MYO1F: variants seen among roughly 807,000 people sequenced by gnomAD.
MYO1F encodes unconventional myosin-If.
MYO1F carries 60 observed loss-of-function variants against 146.6 expected under a neutral mutation model. The ratio of observed to expected loss-of-function variants is 0.41; its 90% CI spans 0.33 to 0.51. MYO1F has a LOEUF of 0.51. MYO1F is among the 20% of genes least tolerant of loss of function. The pLI is 0.25. For missense variants in MYO1F, 1,274 were observed against 1,534.3 expected (o/e 0.83, Z 2.83); for synonymous variants, 602 against 602.1 (o/e 1.00, Z 0.00).
chr19:8,541,823 G>T, intron 15 of MYO1F, 83 bp downstream of exon 15: 1 of 1,267,734 alleles, frequency 7.9e-7, no homozygotes, highest in South Asian at 1.2e-5. Context: ...TGGCAGTTCT[G>T]GGTAAGATGG....
At chr19:8,524,118 C>CAAAAAAA (rs746455069) in intron 25 of MYO1F, among the ~76,000 whole-genome samples, 1 of 46,004 alleles carries the variant, frequency 2.2e-5, no homozygotes, top group Non-Finnish European at 3.6e-5. Flanking sequence ...GACACCGTCT[C>CAAAAAAA]AAAAAAAAAA....
intron 15 of MYO1F, 31 bp from the exon 16 acceptor site, chr19:8,540,059 A>C (rs767989345): frequency 2.5e-6 from 4 of 1,580,554 alleles, no homozygotes; most frequent in Non-Finnish European, 8.7e-7. Context: ...GAGGAGTTGG[A>C]GGTATGGCTA....
rs199971487 is a variant in MYO1F at position 8,522,691 on chromosome 19, C to T, written c.2993G>A (p.Arg998His). 143 of 1,613,932 alleles carry T rather than the reference C, an allele frequency of 8.9e-5. No individual in the cohort carries two copies. The African/African-American group carries it at 1.5e-3, about 17-fold the overall frequency. ...TTCTGTGTTGTGCTCTGAGGGCGGA[C>T]GTGCCCGGGGTCGTCTGCTGGCTCC... is the stretch of plus-strand genomic sequence containing the variant. ...SLGASRRPRA[R>H]PPSEHNTEFL... The change falls in exon 26 of 28, where the codon CGT becomes CAT. Residue 998 changes from arginine to histidine, a missense_variant. Around this residue, in one of 2 missense-constraint regions of MYO1F, gnomAD observed 374 missense variants for 379.2 expected, o/e 0.99. Coordinates refer to ENST00000644032, the MANE Select transcript of MYO1F (RefSeq NM_012335.4).
chr19:8,554,465 C>G lies in MYO1F; in HGVS notation c.326+12G>C, dbSNP rs548544617. 2 of 1,598,606 alleles carry G rather than the reference C, an allele frequency of 1.3e-6. No individual in the cohort carries two copies. The highest frequency in any genetic ancestry group is 1.1e-5 in the South Asian group (1 of 90,736). ...GGCAGCAGGGTCTGTGGCCCCCCAACTCTGTCCATACCTAATGATGACACA... is the reference window on the plus strand; with the variant it reads ...GGCAGCAGGGTCTGTGGCCCCCCAAGTCTGTCCATACCTAATGATGACACA... On this transcript the variant is annotated intron_variant, in intron 4 of 27. Transcript: ENST00000644032.
At chr19:8,566,734 G>A (rs1369930036) in intron 1 of MYO1F, among the ~76,000 whole-genome samples, 3 of 147,870 alleles carry the variant, frequency 2.0e-5, no homozygotes, top group Non-Finnish European at 4.5e-5. Flanking sequence ...AGCTGGTTTC[G>A]AACTCCTGAC....
chr19:8,547,128 A>G (rs1973392653), intron 12 of MYO1F, among the ~76,000 whole-genome samples: 1 of 151,620 alleles, frequency 6.6e-6, no homozygotes, highest in African/African-American at 2.4e-5. Flanking sequence ...TGAAACACCA[A>G]CTCTACAAAA....
At chr19:8,541,623 TTTGCCATG>T (rs1471867862) in intron 15 of MYO1F, 1 of 435,040 alleles carries the variant, frequency 2.3e-6, no homozygotes, top group East Asian at 4.7e-5. Flanking sequence ...GAGACAAGGT[TTTGCCATG>T]TTGCCCAGGC....
In MYO1F at chr19:8,539,940, G is replaced by C. The variant is rs374274277; in HGVS notation, c.1692+7C>G. ...GCCCAGCTCCCCGTTGTACACCCCA[G>C]GCCCACCTTGATCTTGGAGCCGGCG... On this transcript the variant is annotated splice_region_variant and intron_variant, in intron 16 of 27. Transcript: ENST00000644032. 4.2e-4 allele frequency: 680 copies of C among 1,612,556 alleles called. 12 individuals are homozygous for C. The South Asian group carries it at 7.1e-3, about 17-fold the overall frequency.
chr19:8,556,366 G>A (rs1265873052), intron 1 of MYO1F, among the ~76,000 whole-genome samples: 2 of 149,954 alleles, frequency 1.3e-5, no homozygotes, highest in Non-Finnish European at 3.0e-5. Flanking sequence ...TTAATGCCAA[G>A]TGCAGTGGCT....
At chr19:8,558,660 T>G (rs976004407) in intron 1 of MYO1F, among the ~76,000 whole-genome samples, 1 of 152,080 alleles carries the variant, frequency 6.6e-6, no homozygotes, top group African/African-American at 2.4e-5. Context: ...GTCTGACAGA[T>G]AGGAGTGATG....
chr19:8,550,067 T>G (rs1406101406), intron 10 of MYO1F, 93 bp downstream of exon 10: 1 of 1,429,624 alleles, frequency 7.0e-7, no homozygotes, highest in African/African-American at 1.4e-5. Context: ...CCCAAAGCAT[T>G]GGGATTGCAG....
chr19:8,530,355 G>T lies in MYO1F; in HGVS notation c.2169C>A (p.Ile723=). ...YEEMREEASN[I]LLNKKERRRN... ...GCCTCCGCTCCTTCTTGTTCAGCAG[G>T]ATGTTGGAAGCTGCGGGGACAGAGG... The change falls in exon 21 of 28, where the codon ATC becomes ATA. Residue 723 remains isoleucine (I), a synonymous_variant. Coordinates refer to ENST00000644032, the MANE Select transcript of MYO1F (RefSeq NM_012335.4). This position sits in a 1 kb window ranked among gnomAD's most constrained non-coding sequence, Gnocchi z 5.8. 6.2e-7 allele frequency: 1 copy of T among 1,614,138 alleles called. No homozygotes were observed. Among genetic ancestry groups the T allele is most frequent in the Non-Finnish European group, 8.5e-7 (1 of 1,180,026 alleles).
chr19:8,550,103 A>G, intron 10 of MYO1F, 57 bp downstream of exon 10: 1 of 1,590,760 alleles, frequency 6.3e-7, no homozygotes, highest in South Asian at 1.1e-5. Context: ...CTCAGCTTCC[A>G]TAAATGTTTG....
intron 1 of MYO1F, among the ~76,000 whole-genome samples, chr19:8,573,336 A>G (rs2042146025): frequency 6.6e-6 from 1 of 151,720 alleles, no homozygotes; most frequent in African/African-American, 2.4e-5. Context: ...GACAATCACT[A>G]TTATCCTCAC....
intron 16 of MYO1F, among the ~76,000 whole-genome samples, chr19:8,538,887 A>G (rs1187779604): frequency 1.3e-5 from 2 of 152,198 alleles, no homozygotes; most frequent in Non-Finnish European, 2.9e-5. Context: ...CTGGGGACAC[A>G]GTTTCAGTTT....
chr19:8,551,966 A>T, intron 7 of MYO1F, 67 bp downstream of exon 7: 1 of 1,613,054 alleles, frequency 6.2e-7, no homozygotes, highest in Non-Finnish European at 8.5e-7. Flanking sequence ...CTAGGTGTTT[A>T]CCTTCCCATT....
intron 14 of MYO1F, among the ~76,000 whole-genome samples, chr19:8,543,912 G>GTGC (rs1973175216): frequency 2.7e-5 from 3 of 110,368 alleles, no homozygotes; most frequent in Non-Finnish European, 5.3e-5. Flanking sequence ...GGTGGTGGTG[G>GTGC]TGGTGGTGGT....
intron 14 of MYO1F, among the ~76,000 whole-genome samples, chr19:8,542,477 T>C (rs979376786): frequency 9.3e-5 from 14 of 151,314 alleles, no homozygotes; most frequent in Admixed American, 2.0e-4. Context: ...TCTGGGGGCA[T>C]TTCAGCCAGG....
intron 1 of MYO1F, among the ~76,000 whole-genome samples, chr19:8,573,279 C>T (rs139061910): frequency 7.9e-5 from 12 of 152,120 alleles, no homozygotes; most frequent in Admixed American, 7.9e-4. Flanking sequence ...CCACTGCACT[C>T]CATCCTGGGT....
Sources: allele counts gnomAD v4.1 joint callset (sites outside exome capture counted in the v4.1 genomes callset), GRCh38; gene constraint gnomAD v4.1.1; regional missense constraint gnomAD v4.1.1; non-coding constraint Gnocchi (gnomAD v3.1); transcripts MANE v1.5; gene names NCBI Gene and HGNC (gene_info 2026-07-23, HGNC 2026-07-21).